Variants in APOL5 observed in about 807,000 individuals in gnomAD.
APOL5 encodes the protein apolipoprotein L, 5.
A neutral mutation model predicts 35.5 loss-of-function variants in APOL5; 29 were observed. The observed-to-expected ratio is 0.82, with a 90% CI of 0.61 to 1.11. APOL5 has a LOEUF of 1.11. APOL5 is among the 50% of genes most tolerant of loss of function. APOL5 has a pLI of 0.00. For missense variants in APOL5, 514 were observed against 530.4 expected, an observed-to-expected ratio of 0.97 and a Z score of 0.30; for synonymous variants, 188 against 200.2, an observed-to-expected ratio of 0.94 and a Z score of 0.51.
chr22:35,725,542 C>T (rs1372149342), intron 2 of APOL5, among the ~76,000 whole-genome samples: 5 of 152,028 alleles, frequency 3.3e-5, no homozygotes, highest in Admixed American at 1.3e-4. Context: ...CGTGAGCCAC[C>T]GCGCCTGGCC....
upstream of APOL5, among the ~76,000 whole-genome samples, chr22:35,715,687 CTT>C (rs1442758581): frequency 6.7e-6 from 1 of 148,914 alleles, no homozygotes; most frequent in African/African-American, 2.6e-5. Flanking sequence ...AAAAACAAAA[CTT>C]AGTGTCATGA....
intron 1 of APOL5, among the ~76,000 whole-genome samples, chr22:35,719,184 T>C (rs900248338): frequency 6.6e-6 from 1 of 152,240 alleles, no homozygotes; most frequent in Admixed American, 6.5e-5. Flanking sequence ...TCAATAGTTA[T>C]GTTGCAGGAG....
the APOL5 span, among the ~76,000 whole-genome samples, chr22:35,712,508 G>A: frequency 2.0e-5 from 3 of 152,240 alleles, no homozygotes; most frequent in African/African-American, 7.2e-5. Flanking sequence ...ATAAGCCACC[G>A]TACCTAACCT....
intron 2 of APOL5, among the ~76,000 whole-genome samples, chr22:35,724,631 C>A (rs1230557202): frequency 6.6e-6 from 1 of 151,808 alleles, no homozygotes; most frequent in African/African-American, 2.4e-5. Context: ...TTTTTTGAGA[C>A]GGAGTTTCAC....
At chr22:35,711,232 G>A in the APOL5 span, among the ~76,000 whole-genome samples, 1 of 152,118 alleles carries the variant, frequency 6.6e-6, no homozygotes, top group Non-Finnish European at 1.5e-5. Context: ...TTCTTGAGGA[G>A]GAATAATAGT....
intron 2 of APOL5, among the ~76,000 whole-genome samples, chr22:35,720,987 C>G (rs1398317423): frequency 6.6e-6 from 1 of 152,086 alleles, no homozygotes; most frequent in Non-Finnish European, 1.5e-5. Context: ...CTCAAATGCT[C>G]CACCCGCCTC....
intron 3 of APOL5, among the ~76,000 whole-genome samples, chr22:35,727,953 G>A (rs1927228178): frequency 6.6e-6 from 1 of 152,270 alleles, no homozygotes; most frequent in Admixed American, 6.5e-5. Context: ...GCGGTAGCAA[G>A]GTCACAACCT....
intron 3 of APOL5, among the ~76,000 whole-genome samples, chr22:35,728,287 C>A (rs963908184): frequency 6.6e-6 from 1 of 152,054 alleles, no homozygotes; most frequent in African/African-American, 2.4e-5. Flanking sequence ...GCAGTGGCGC[C>A]ATCTTGGCTC....
chr22:35,720,859 C>T (rs1052403440), intron 2 of APOL5, among the ~76,000 whole-genome samples: 1 of 152,176 alleles, frequency 6.6e-6, no homozygotes, highest in African/African-American at 2.4e-5. Flanking sequence ...GATTCTCCTG[C>T]CTCAGCCTCA....
At chr22:35,719,701 G>T (rs1391531801) in intron 1 of APOL5, among the ~76,000 whole-genome samples, 1 of 151,480 alleles carries the variant, frequency 6.6e-6, no homozygotes, top group Non-Finnish European at 1.5e-5. Context: ...GTCTTGGGGA[G>T]CGTGGGCTCC....
intron 1 of APOL5, among the ~76,000 whole-genome samples, chr22:35,719,057 A>T (rs920013231): frequency 4.9e-5 from 4 of 81,402 alleles, no homozygotes; most frequent in Non-Finnish European, 7.7e-5. Flanking sequence ...ACCGTCTCAA[A>T]AATAATAATA....
the APOL5 span, among the ~76,000 whole-genome samples, chr22:35,710,496 T>A: frequency 7.3e-5 from 11 of 150,932 alleles, no homozygotes; most frequent in Admixed American, 3.3e-4. Context: ...TACATATATA[T>A]GTACACACAC....
upstream of APOL5, among the ~76,000 whole-genome samples, chr22:35,713,331 G>C (rs1194569902): frequency 6.6e-6 from 1 of 152,200 alleles, no homozygotes; most frequent in South Asian, 2.1e-4. Context: ...TCTGAGAGTT[G>C]CTGTACTATG....
intron 2 of APOL5, among the ~76,000 whole-genome samples, chr22:35,724,509 A>G (rs1320658189): frequency 6.6e-6 from 1 of 152,124 alleles, no homozygotes; most frequent in African/African-American, 2.4e-5. Context: ...GCATGTATGT[A>G]TATCTTTATT....
At chr22:35,719,731 CT>C (rs1203020383) in intron 1 of APOL5, among the ~76,000 whole-genome samples, 1 of 82,964 alleles carries the variant, frequency 1.2e-5, no homozygotes, top group African/African-American at 5.8e-5. Context: ...GCAGCCCCAT[CT>C]AGGGTTGAGT....
At chr22:35,729,044 C>T (rs1051132417) in intron 4 of APOL5, 140 bp downstream of exon 4, 13 of 935,620 alleles carry the variant, frequency 1.4e-5, no homozygotes, top group Non-Finnish European at 2.0e-5. Context: ...ATCCGGCCAC[C>T]TGCCACGCCA....
chr22:35,714,686 A>C (rs5999968), upstream of APOL5, among the ~76,000 whole-genome samples: 1 of 152,032 alleles, frequency 6.6e-6, no homozygotes, highest in African/African-American at 2.4e-5. Flanking sequence ...GTCCTCCAGC[A>C]ATGAATGCAG....
At chr22:35,717,233 A>ATATATATAT (rs71324555), upstream of APOL5, among the ~76,000 whole-genome samples, 4 of 37,306 alleles carry the variant, frequency 1.1e-4, no homozygotes, top group African/African-American at 4.3e-4. Context: ...AAAAAAAAAA[A>ATATATATAT]AAATATATAT....
chr22:35,723,717 T>C (rs2146001396), intron 2 of APOL5, among the ~76,000 whole-genome samples: 1 of 152,324 alleles, frequency 6.6e-6, no homozygotes, highest in East Asian at 1.9e-4. Context: ...TCCCAAAACT[T>C]TGGGAGGCCG....
Sources: gnomAD v4.1 joint callset for allele counts (sites outside exome capture counted in the v4.1 genomes callset) on GRCh38, gnomAD v4.1.1 for gene constraint, MANE v1.5 for transcripts, NCBI Gene and HGNC (gene_info 2026-07-23, HGNC 2026-07-21) for gene names.